Variants in CNOT6 observed in about 807,000 individuals in gnomAD.
The protein encoded by CNOT6 is carbon catabolite repression 4 protein.
In CNOT6, 12 loss-of-function variants were observed where a neutral mutation model predicts 61.2. The ratio of observed to expected loss-of-function variants is 0.20; its 90% CI spans 0.13 to 0.32. The LOEUF (loss-of-function observed/expected upper bound fraction) is 0.32, where lower values mean the gene tolerates loss of function less well. Ranked by LOEUF, CNOT6 falls within the 10% of genes least tolerant of loss-of-function variation. The probability of loss-of-function intolerance (pLI) is 1.00; values close to 1 mark genes in which losing one functional copy is unlikely to be tolerated. For synonymous variants in CNOT6, 225 were observed against 240.6 expected (o/e 0.94, Z 0.60); for missense variants, 405 against 663.9 (o/e 0.61, Z 4.28).
chr5:180,549,071 G>T (rs1759458303), intron 2 of CNOT6, among the ~76,000 whole-genome samples: 1 of 151,964 alleles, frequency 6.6e-6, no homozygotes, highest in African/African-American at 2.4e-5. Context: ...GCGTTTCTGG[G>T]CAAGTGTTTT....
Position 180,541,328 on chromosome 5 carries a change from G to A in CNOT6, c.113-8603G>A, listed in dbSNP as rs550835352. On this transcript the variant is annotated intron_variant, in intron 2 of 11. Coordinates refer to ENST00000261951, the MANE Select transcript of CNOT6 (RefSeq NM_001370472.1). ...TAATTTTTTTATTTTTAGTAGACACGGGGTTTCACCATGTTGGCCAGGCTG... is the reference window on the plus strand; with the variant it reads ...TAATTTTTTTATTTTTAGTAGACACAGGGTTTCACCATGTTGGCCAGGCTG... 9.9e-5 allele frequency among the ~76,000 whole-genome samples: 15 copies of A among 151,164 alleles called. No individual in the cohort carries two copies. In the East Asian group the frequency reaches 1.6e-3, roughly 16 times the overall value.
chr5:180,569,933 C>G (rs1760657510), intron 10 of CNOT6, among the ~76,000 whole-genome samples: 1 of 152,128 alleles, frequency 6.6e-6, no homozygotes, highest in Non-Finnish European at 1.5e-5. Context: ...CAAACTGTTT[C>G]TTTCTTTTTG....
At chr5:180,573,884 T>C (rs1238124391) in intron 11 of CNOT6, 104 bp from the exon 12 acceptor site, 14 of 656,884 alleles carry the variant, frequency 2.1e-5, no homozygotes, top group Non-Finnish European at 3.6e-5. Context: ...GTTTCACTTG[T>C]TCTGTTCTGT....
chr5:180,509,558 A>G (rs1428344452), intron 1 of CNOT6, among the ~76,000 whole-genome samples: 4 of 151,262 alleles, frequency 2.6e-5, no homozygotes, highest in Admixed American at 2.6e-4. Flanking sequence ...TTGAGATTAC[A>G]GGCATGCGCC....
In CNOT6 at chr5:180,529,462, A is replaced by G. The variant is rs1758251166; in HGVS notation, c.112+74A>G. ...GTAAACTGAGTTTTCTAATGCCAAT[A>G]CAGGAAAGAAACATTGATTTTATAT... On this transcript the variant is annotated intron_variant, in intron 2 of 11. Coordinates refer to ENST00000261951, the MANE Select transcript of CNOT6 (RefSeq NM_001370472.1). The G allele has an allele frequency of 9.0e-6, 7 of 779,746 alleles. No homozygotes were observed. In the South Asian group the frequency reaches 1.1e-4, roughly 12 times the overall value. The allele number at this position is 779,746 out of a possible 1,614,324, so 48.3% of individuals were successfully genotyped here.
rs1436731344 is a variant in CNOT6 at position 180,577,168 on chromosome 5, T to TGTGTGC, written c.*2973_*2974insCGTGTG. 5 of 149,680 alleles carry TGTGTGC rather than the reference T, an allele frequency of 3.3e-5. No homozygotes were observed. The highest frequency in any genetic ancestry group is 1.3e-4 in the African/African-American group (5 of 39,708). The allele number at this position is 149,680 out of a possible 1,614,324, so 9.3% of individuals were successfully genotyped here. On this transcript the variant is annotated 3_prime_UTR_variant, in exon 12 of 12. Transcript: ENST00000261951. ...GGCAGAGAACATCTCCAGAAATGTG[T>TGTGTGC]GTGTGTGTGTGTGTGTGTGTGTGTG...
At chr5:180,556,678 C>T (rs988404161) in intron 4 of CNOT6, among the ~76,000 whole-genome samples, 3 of 152,160 alleles carry the variant, frequency 2.0e-5, no homozygotes, top group African/African-American at 7.2e-5. Flanking sequence ...CCATCCCGGG[C>T]GCAGTGGCTC....
At chr5:180,569,427 T>TC (rs1277220577) in intron 10 of CNOT6, 87 bp downstream of exon 10, 3 of 1,126,240 alleles carry the variant, frequency 2.7e-6, no homozygotes, top group Non-Finnish European at 3.8e-6. Flanking sequence ...CCAAATTAAG[T>TC]CCAAATAAAA....
intron 7 of CNOT6, 56 bp downstream of exon 7, chr5:180,566,033 A>T: frequency 6.7e-7 from 1 of 1,489,362 alleles, no homozygotes; most frequent in East Asian, 2.3e-5. Flanking sequence ...AGCAACTAGG[A>T]ATACATTACG....
chr5:180,500,531 G>C (rs1486425418), intron 1 of CNOT6, among the ~76,000 whole-genome samples: 1 of 150,500 alleles, frequency 6.6e-6, no homozygotes, highest in African/African-American at 2.5e-5. Flanking sequence ...TCCGCCTCCC[G>C]GGTTCACGCC....
intron 2 of CNOT6, among the ~76,000 whole-genome samples, chr5:180,535,131 C>G (rs1053590826): frequency 1.3e-5 from 2 of 152,230 alleles, no homozygotes; most frequent in African/African-American, 4.8e-5. Flanking sequence ...CTCACTGATT[C>G]GTGGGGTGGA....
At chr5:180,541,872 C>T (rs539014157) in intron 2 of CNOT6, among the ~76,000 whole-genome samples, 2 of 151,778 alleles carry the variant, frequency 1.3e-5, no homozygotes, top group East Asian at 3.9e-4. Flanking sequence ...GACGGGGTCT[C>T]GCTCTGTTGC....
chr5:180,525,776 A>G (rs1758071662), intron 1 of CNOT6, among the ~76,000 whole-genome samples: 2 of 152,078 alleles, frequency 1.3e-5, no homozygotes, highest in South Asian at 4.1e-4. Context: ...TTAGGAGGAA[A>G]ACCAAGAAAA....
chr5:180,568,048 A>G, intron 9 of CNOT6, 45 bp downstream of exon 9: 1 of 1,524,942 alleles, frequency 6.6e-7, no homozygotes, highest in East Asian at 2.3e-5. Flanking sequence ...CTCTGACTAG[A>G]CATCTTCAAA....
intron 1 of CNOT6, among the ~76,000 whole-genome samples, chr5:180,508,578 G>A (rs1757237537): frequency 6.6e-6 from 1 of 152,070 alleles, no homozygotes; most frequent in African/African-American, 2.4e-5. Flanking sequence ...CCAAAGTGCT[G>A]GGATTACAGG....
At chr5:180,546,615 T>A (rs1759327234) in intron 2 of CNOT6, among the ~76,000 whole-genome samples, 1 of 152,252 alleles carries the variant, frequency 6.6e-6, no homozygotes, top group African/African-American at 2.4e-5. Context: ...AATATTGCTT[T>A]AAGTAGTCAA....
intron 1 of CNOT6, among the ~76,000 whole-genome samples, chr5:180,513,192 C>G (rs557786092): frequency 6.6e-6 from 1 of 150,570 alleles, no homozygotes; most frequent in Admixed American, 6.6e-5. Flanking sequence ...CCACTGCACC[C>G]GGCCATTTAT....
rs781036071 is a variant in CNOT6 at position 180,549,914 on chromosome 5, A to G, written c.113-17A>G. The G allele has an allele frequency of 4.4e-6, 7 of 1,586,750 alleles. No individual in the cohort carries two copies. Among genetic ancestry groups the G allele is most frequent in the South Asian group, 2.2e-5 (2 of 89,224 alleles). ...AGAAAACTATATAATCCGTTCCTGTATTTTTTTCTCTTACAGGAAAAGTAA... is the reference window on the plus strand; with the variant it reads ...AGAAAACTATATAATCCGTTCCTGTGTTTTTTTCTCTTACAGGAAAAGTAA... On this transcript the variant is annotated splice_polypyrimidine_tract_variant and intron_variant, in intron 2 of 11. Coordinates refer to ENST00000261951, the MANE Select transcript of CNOT6 (RefSeq NM_001370472.1).
intron 2 of CNOT6, among the ~76,000 whole-genome samples, chr5:180,529,612 G>A (rs1020411004): frequency 1.3e-5 from 2 of 152,190 alleles, no homozygotes; most frequent in African/African-American, 4.8e-5. Context: ...TATTTTCTCA[G>A]TATCAGTGTC....
Sources: allele counts gnomAD v4.1 joint callset (sites outside exome capture counted in the v4.1 genomes callset), GRCh38; gene constraint gnomAD v4.1.1; transcripts MANE v1.5; gene names NCBI Gene and HGNC (gene_info 2026-07-23, HGNC 2026-07-21).